The following PTGR2 variants were observed in gnomAD, a reference collection of about 807,000 sequenced individuals.
PTGR2 encodes 15-oxoprostaglandin 13-reductase.
PTGR2 carries 32 observed loss-of-function variants against 43.4 expected under a neutral mutation model. That is an observed-to-expected ratio of 0.74 (90% CI 0.56 to 0.99). The LOEUF (loss-of-function observed/expected upper bound fraction) is 0.99, where lower values mean the gene tolerates loss of function less well. Among genes scored for constraint, PTGR2 ranks in the 50% least tolerant of loss-of-function variants. The pLI, the probability that PTGR2 is intolerant of heterozygous loss-of-function variation, is 0.00. For missense variants in PTGR2, 373 were observed against 420.0 expected, an observed-to-expected ratio of 0.89 and a Z score of 0.98; for synonymous variants, 106 against 139.2, an observed-to-expected ratio of 0.76 and a Z score of 1.68.
intron 4 of PTGR2, among the ~76,000 whole-genome samples, chr14:73,875,588 C>T (rs533056345): frequency 1.3e-5 from 2 of 150,794 alleles, no homozygotes; most frequent in South Asian, 4.2e-4. Context: ...TCATGATCCA[C>T]CCGCCTTGGC....
intron 9 of PTGR2, among the ~76,000 whole-genome samples, 198 bp from the exon 10 acceptor site, chr14:73,883,903 A>G (rs1225066446): frequency 6.8e-4 from 104 of 152,098 alleles, no homozygotes; most frequent in Non-Finnish European, 2.5e-4. Flanking sequence ...TGGGCAAAAC[A>G]TTTTTTTAAG....
intron 3 of PTGR2, 62 bp from the exon 4 acceptor site, chr14:73,873,961 G>T (rs546196133): frequency 7.7e-7 from 1 of 1,296,606 alleles, no homozygotes; most frequent in Admixed American, 2.3e-5. Context: ...TAGTCATTGG[G>T]TAAATTAGTA....
At chr14:73,882,283 A>C in intron 8 of PTGR2, 116 bp from the exon 9 acceptor site, 1 of 668,546 alleles carries the variant, frequency 1.5e-6, no homozygotes, top group Non-Finnish European at 2.6e-6. Context: ...GAAATAAAGA[A>C]TATCTATTTT....
Position 73,879,111 on chromosome 14 carries a change from G to C in PTGR2, c.535G>C (p.Gly179Arg). ...TCCCCCCTAGATTGGCCATTTCTTAGGTTGTTCCAGAGTGGTGGGAATTTG... is the reference window on the plus strand; with the variant it reads ...TCCCCCCTAGATTGGCCATTTCTTACGTTGTTCCAGAGTGGTGGGAATTTG... Reference protein sequence around the residue: ...SVAGQIGHFLGCSRVVGICGT... With the variant: ...SVAGQIGHFLRCSRVVGICGT... Residue 179 changes from glycine to arginine, a missense_variant, in exon 6 of 10, where the codon GGT becomes CGT. Transcript: ENST00000555661. 1 of 1,613,894 alleles carries C rather than the reference G, an allele frequency of 6.2e-7. No homozygotes were observed. The highest frequency in any genetic ancestry group is 1.1e-5 in the South Asian group (1 of 91,034).
intron 7 of PTGR2, 104 bp from the exon 8 acceptor site, chr14:73,881,101 A>C (rs1046577078): frequency 7.1e-6 from 5 of 701,840 alleles, no homozygotes; most frequent in Non-Finnish European, 1.3e-5. Context: ...GTTATGTCCT[A>C]ATATTTTAAG....
At chr14:73,882,834 T>C (rs2055025507) in intron 9 of PTGR2, among the ~76,000 whole-genome samples, 1 of 77,362 alleles carries the variant, frequency 1.3e-5, no homozygotes, top group Non-Finnish European at 2.6e-5. Flanking sequence ...TTTTTTTTTT[T>C]TTTTGAGACG....
intron 1 of PTGR2, among the ~76,000 whole-genome samples, chr14:73,856,830 T>G (rs1441937300): frequency 6.6e-6 from 1 of 152,228 alleles, no homozygotes; most frequent in African/African-American, 2.4e-5. Flanking sequence ...TACAAAGCAC[T>G]CACAAGAGTG....
intron 3 of PTGR2, among the ~76,000 whole-genome samples, chr14:73,867,009 AACCC>A (rs1352139222): frequency 6.7e-6 from 1 of 148,436 alleles, no homozygotes; most frequent in Non-Finnish European, 1.5e-5. Context: ...GAATTGTTTG[AACCC>A]GGGAGGCGGA....
At chr14:73,881,403 A>G (rs2054984562) in intron 8 of PTGR2, 111 bp downstream of exon 8, 1 of 634,694 alleles carries the variant, frequency 1.6e-6, no homozygotes, top group East Asian at 2.7e-5. Flanking sequence ...AATTCCTACA[A>G]AAGAAAAGTA....
rs200182826 is a variant in PTGR2 at position 73,874,145 on chromosome 14, C to T, written c.279C>T (p.Gly93=). ...EESKHTNLTK[G]DFVTSFYWPW... ...GCAAACACACAAATTTGACTAAAGG[C>T]GATTTTGTGACTTCTTTCTATTGGC... Residue 93 remains glycine (G), a synonymous_variant, in exon 4 of 10, where the codon GGC becomes GGT. Transcript: ENST00000555661. 89 of 1,613,692 alleles carry T rather than the reference C, an allele frequency of 5.5e-5. No individual in the cohort carries two copies. In the East Asian group the frequency reaches 1.6e-3, roughly 29 times the overall value.
chr14:73,885,210 A>G lies in PTGR2; in HGVS notation c.*1033A>G, dbSNP rs1325160319. 1 of 152,252 alleles carries G rather than the reference A, an allele frequency of 6.6e-6. No homozygotes were observed. Among genetic ancestry groups the G allele is most frequent in the Non-Finnish European group, 1.5e-5 (1 of 68,064 alleles). 9.4% of individuals were successfully genotyped at this position (152,252 alleles called of 1,614,324 possible). ...AGGCTGAGGCTGGAGAATCATTTGA[A>G]CCTGGGAGGGGGAGGTTGCCGTGAG... is the stretch of plus-strand genomic sequence containing the variant. On this transcript the variant is annotated 3_prime_UTR_variant, in exon 10 of 10. Transcript: ENST00000555661.
At chr14:73,868,188 C>G (rs893344671) in intron 3 of PTGR2, among the ~76,000 whole-genome samples, 20 of 152,068 alleles carry the variant, frequency 1.3e-4, no homozygotes, top group African/African-American at 4.6e-4. Flanking sequence ...ACTTGGGAGG[C>G]TGAGGCAGGA....
At chr14:73,853,468 G>A (rs1222050489) in intron 1 of PTGR2, among the ~76,000 whole-genome samples, 1 of 151,804 alleles carries the variant, frequency 6.6e-6, no homozygotes, top group African/African-American at 2.4e-5. Flanking sequence ...GATTACAGGC[G>A]CCCGCCACCA....
chr14:73,864,779 C>T (rs1407008824), intron 3 of PTGR2, among the ~76,000 whole-genome samples: 2 of 152,100 alleles, frequency 1.3e-5, no homozygotes, highest in African/African-American at 2.4e-5. Context: ...CATTGAAGCA[C>T]AAAAGTTTTT....
chr14:73,858,797 A>C lies in PTGR2; in HGVS notation c.-47-19A>C. ...TGAATACTTCAAATCTTGTGATTTA[A>C]AAATTTTTTTATTTATAGGAGTATT... On this transcript the variant is annotated intron_variant, in intron 1 of 9. Coordinates refer to ENST00000555661, the MANE Select transcript of PTGR2 (RefSeq NM_001146154.2). 1.5e-6 allele frequency: 2 copies of C among 1,299,392 alleles called. No individual in the cohort carries two copies. The highest frequency in any genetic ancestry group is 2.1e-6 in the Non-Finnish European group (2 of 932,846). The allele number at this position is 1,299,392 out of a possible 1,614,324, so 80.5% of individuals were successfully genotyped here. A position where few individuals can be genotyped will look rare whatever the true frequency, so the allele number is the denominator to read the frequency against.
intron 3 of PTGR2, among the ~76,000 whole-genome samples, chr14:73,873,132 A>C (rs1265522033): frequency 6.6e-6 from 1 of 151,696 alleles, no homozygotes; most frequent in Non-Finnish European, 1.5e-5. Flanking sequence ...ACATGGAGAA[A>C]CCACATCTCT....
intron 3 of PTGR2, among the ~76,000 whole-genome samples, chr14:73,866,441 T>C (rs1461652417): frequency 6.6e-6 from 1 of 152,108 alleles, no homozygotes; most frequent in East Asian, 1.9e-4. Flanking sequence ...CTGGCCTGTT[T>C]TTCTTTTTTA....
At chr14:73,854,133 G>A (rs62005571) in intron 1 of PTGR2, among the ~76,000 whole-genome samples, 61,288 of 151,380 alleles carry the variant, frequency 0.4, 12,923 homozygotes, top group Non-Finnish European at 0.46. Context: ...ACAAAGTTTC[G>A]CTCTTGTCCC....
chr14:73,872,986 AT>A (rs903859335), intron 3 of PTGR2, among the ~76,000 whole-genome samples: 23 of 147,614 alleles, frequency 1.6e-4, no homozygotes, highest in African/African-American at 5.6e-4. Context: ...AAAAAAAAAA[AT>A]TTTTTTTATG....
Sources: gnomAD v4.1 joint callset for allele counts (sites outside exome capture counted in the v4.1 genomes callset) on GRCh38, gnomAD v4.1.1 for gene constraint, MANE v1.5 for transcripts, NCBI Gene and HGNC (gene_info 2026-07-23, HGNC 2026-07-21) for gene names.